The following GGNBP2 variants were observed in gnomAD, a reference collection of about 807,000 sequenced individuals.
GGNBP2 encodes gametogenetin-binding protein 2.
A neutral mutation model predicts 85.9 loss-of-function variants in GGNBP2; 10 were observed. The observed-to-expected ratio is 0.12, with a 90% CI of 0.07 to 0.20. The LOEUF is 0.20. Among genes scored for constraint, GGNBP2 ranks in the 10% least tolerant of loss-of-function variants. The pLI, the probability that GGNBP2 is intolerant of heterozygous loss-of-function variation, is 1.00. For missense variants in GGNBP2, 595 were observed against 857.8 expected (o/e 0.69, Z 3.83); for synonymous variants, 287 against 285.7 (o/e 1.00, Z -0.05).
At chr17:36,549,834 A>C (rs1349989886) in intron 2 of GGNBP2, among the ~76,000 whole-genome samples, 1 of 152,232 alleles carries the variant, frequency 6.6e-6, no homozygotes, top group African/African-American at 2.4e-5. Flanking sequence ...AAATCTTTGC[A>C]TTAAAATGTT....
chr17:36,550,745 A>C (rs1019879387), intron 2 of GGNBP2, among the ~76,000 whole-genome samples: 1 of 152,230 alleles, frequency 6.6e-6, no homozygotes, highest in Non-Finnish European at 1.5e-5. Flanking sequence ...AGCTATGGGT[A>C]GGGAACCTCT....
At chr17:36,574,728 C>T (rs369728819) in intron 6 of GGNBP2, 72 of 630,750 alleles carry the variant, frequency 1.1e-4, no homozygotes, top group Middle Eastern at 4.2e-4. Flanking sequence ...GGCACTGAGA[C>T]GATGCCAGTG....
At chr17:36,588,942 C>G (rs763616129) in intron 13 of GGNBP2, among the ~76,000 whole-genome samples, 7 of 150,594 alleles carry the variant, frequency 4.6e-5, no homozygotes, top group Admixed American at 6.6e-5. Flanking sequence ...TTTTCAAGGC[C>G]AAGGTATGGT....
Position 36,585,975 on chromosome 17 carries a change from C to G in GGNBP2, c.1492+10C>G. 6.2e-7 allele frequency: 1 copy of G among 1,613,990 alleles called. No homozygotes were observed. Among genetic ancestry groups the G allele is most frequent in the Non-Finnish European group, 8.5e-7 (1 of 1,179,968 alleles). On this transcript the variant is annotated intron_variant, in intron 11 of 13. Coordinates refer to ENST00000613102, the MANE Select transcript of GGNBP2 (RefSeq NM_024835.5). ...AATCATGATGAACACGGTAGGCTCA[C>G]ATTAAGTTTCCCAGTTATTTCTACT...
intron 13 of GGNBP2, among the ~76,000 whole-genome samples, chr17:36,588,447 G>C (rs991814278): frequency 6.6e-6 from 1 of 152,032 alleles, no homozygotes; most frequent in African/African-American, 2.4e-5. Flanking sequence ...AGTAGAGATG[G>C]GTTTCTCCAT....
chr17:36,566,520 A>T (rs551066383), intron 5 of GGNBP2, among the ~76,000 whole-genome samples: 48 of 152,026 alleles, frequency 3.2e-4, no homozygotes, highest in African/African-American at 1.1e-3. Context: ...CAAAAAATAA[A>T]AAAATAAAAA....
rs118149195 is a variant in GGNBP2 at position 36,569,346 on chromosome 17, A to G, written c.641+1570A>G. On this transcript the variant is annotated intron_variant, in intron 6 of 13. Coordinates refer to ENST00000613102, the MANE Select transcript of GGNBP2 (RefSeq NM_024835.5). ...TGAATTGCTTGAAACCAGGAGGTAG[A>G]GGTTGCAGTGAGCCAGGATCGTGCC... 5.8e-4 allele frequency among the ~76,000 whole-genome samples: 89 copies of G among 152,278 alleles called. 2 individuals are homozygous for G. In the East Asian group the frequency reaches 0.013, roughly 22 times the overall value.
chr17:36,560,052 G>A (rs940589643), intron 4 of GGNBP2, among the ~76,000 whole-genome samples: 1 of 152,008 alleles, frequency 6.6e-6, no homozygotes, highest in African/African-American at 2.4e-5. Flanking sequence ...TGGCCAGGCT[G>A]GTCTCTTAAC....
chr17:36,587,113 C>T lies in GGNBP2; in HGVS notation c.1758C>T (p.Cys586=), dbSNP rs759043210. 2.2e-5 allele frequency: 36 copies of T among 1,614,080 alleles called. No individual in the cohort carries two copies. The highest frequency in any genetic ancestry group is 3.3e-5 in the Admixed American group (2 of 60,002). Residue 586 remains cysteine, a synonymous_variant, in exon 13 of 14, where the codon TGC becomes TGT. Coordinates refer to ENST00000613102, the MANE Select transcript of GGNBP2 (RefSeq NM_024835.5). ...KTKDTHPESC[C]SSEKGGQPLP... is the part of the protein sequence containing the mutation. The stretch of plus-strand genomic sequence containing the variant: ...AAGATACACATCCTGAAAGCTGTTG[C>T]AGCTCTGAAAAGGGTGGGCAGCCAT...
In GGNBP2 at chr17:36,578,037, T is replaced by G; in HGVS notation, c.696T>G (p.Gly232=). ...TCCGAGCATACAATATCCTTATTGG[T>G]GAACTTGACTGCAGCAAAGAAAAGG... is the stretch of plus-strand genomic sequence containing the variant. The part of the protein sequence containing the change: ...KVLRAYNILI[G]ELDCSKEKGY... The change falls in exon 7 of 14, where the codon GGT becomes GGG. Residue 232 remains glycine, a synonymous_variant. Coordinates refer to ENST00000613102, the MANE Select transcript of GGNBP2 (RefSeq NM_024835.5). 1.2e-6 allele frequency: 2 copies of G among 1,614,212 alleles called. No individual in the cohort carries two copies. The highest frequency in any genetic ancestry group is 1.7e-6 in the Non-Finnish European group (2 of 1,180,036).
rs2074699723 is a variant in GGNBP2, at chr17:36,586,170, AAAGC to A, written c.1617_1620del (p.Ser539ArgfsTer3). On this transcript the variant is annotated frameshift_variant, in exon 12 of 14. Coordinates refer to ENST00000613102, the MANE Select transcript of GGNBP2 (RefSeq NM_024835.5). LOFTEE classifies it high-confidence loss of function. ...GGAAAAAATAAAAAGAAGAAGAAGA[AAAGC>A]AAGATACTGAAATGTGATGAACATG... The A allele has an allele frequency of 6.2e-7, 1 of 1,613,046 alleles. No individual in the cohort carries two copies. The highest frequency in any genetic ancestry group is 8.5e-7 in the Non-Finnish European group (1 of 1,179,832).
At position 36,554,843 on chromosome 17, in the gene GGNBP2, T is replaced by C; in HGVS notation, c.117T>C (p.Asn39=). ...TLTMVMEFPD[N]VLNLDGHQNN... ...AGATGGTGATGGAATTTCCTGATAA[T>C]GTGTTAAATCTCGATGGACATCAGA... Residue 39 remains asparagine (N), a synonymous_variant, in exon 3 of 14, where the codon AAT becomes AAC. Transcript: ENST00000613102. The C allele has an allele frequency of 6.2e-7, 1 of 1,608,158 alleles. No homozygotes were observed. Among genetic ancestry groups the C allele is most frequent in the Non-Finnish European group, 8.5e-7 (1 of 1,174,504 alleles).
In GGNBP2 at chr17:36,586,987, G is replaced by A. The variant is rs1452661766; in HGVS notation, c.1642-10G>A. On this transcript the variant is annotated splice_polypyrimidine_tract_variant and intron_variant, in intron 12 of 13. Transcript: ENST00000613102. Reference sequence around the variant, plus strand: ...CTTTTTACCTGTGAAATCCTTTGCTGTGGTATCAGATCCAGAAGCTTGGAA... The same window carrying A: ...CTTTTTACCTGTGAAATCCTTTGCTATGGTATCAGATCCAGAAGCTTGGAA... 5.6e-6 allele frequency: 9 copies of A among 1,601,956 alleles called. No homozygotes were observed. Among genetic ancestry groups the A allele is most frequent in the Non-Finnish European group, 6.8e-6 (8 of 1,173,088 alleles).
chr17:36,554,619 C>A (rs541845506), intron 2 of GGNBP2, among the ~76,000 whole-genome samples: 31 of 152,004 alleles, frequency 2.0e-4, no homozygotes, highest in African/African-American at 7.0e-4. Context: ...CGCCGCCCCC[C>A]ACCCCACTGG....
chr17:36,555,266 A>G (rs2074350850), intron 3 of GGNBP2, among the ~76,000 whole-genome samples: 2 of 152,194 alleles, frequency 1.3e-5, no homozygotes, highest in Non-Finnish European at 2.9e-5. Flanking sequence ...GAATTTTCTG[A>G]TGTTTGTTTA....
rs529238776 is a variant in GGNBP2 at position 36,547,540 on chromosome 17, G to A, written c.93+1723G>A. On this transcript the variant is annotated intron_variant, in intron 2 of 13. Transcript: ENST00000613102. ...AGCACATTAATACATCTGTCATATAGCACTTTAAAATGGCCAACTTTTTAA... is the reference window on the plus strand; with the variant it reads ...AGCACATTAATACATCTGTCATATAACACTTTAAAATGGCCAACTTTTTAA... 2.6e-5 allele frequency: 4 copies of A among 152,266 alleles called. No homozygotes were observed. The East Asian group carries it at 7.7e-4, about 29-fold the overall frequency. 9.4% of individuals were successfully genotyped at this position (152,266 alleles called of 1,614,324 possible). A position where few individuals can be genotyped will look rare whatever the true frequency, so the allele number is the denominator to read the frequency against.
At chr17:36,553,456 A>C (rs2074330637) in intron 2 of GGNBP2, among the ~76,000 whole-genome samples, 1 of 152,178 alleles carries the variant, frequency 6.6e-6, no homozygotes, top group East Asian at 1.9e-4. Context: ...CATGTTTTAA[A>C]TTTCTCTAAT....
intron 6 of GGNBP2, among the ~76,000 whole-genome samples, chr17:36,569,233 G>A (rs910821863): frequency 1.3e-5 from 2 of 152,004 alleles, no homozygotes; most frequent in South Asian, 2.1e-4. Flanking sequence ...CCAACGTGGC[G>A]AAACCCCGTG....
chr17:36,585,695 T>TA lies in GGNBP2; in HGVS notation c.1367-135dup, dbSNP rs566273299. 1,576 of 668,942 alleles carry TA rather than the reference T, an allele frequency of 2.4e-3. 3 individuals are homozygous for TA. Among genetic ancestry groups the TA allele is most frequent in the South Asian group, 9.0e-3 (336 of 37,518 alleles). 41.4% of individuals were successfully genotyped at this position (668,942 alleles called of 1,614,324 possible). A position where few individuals can be genotyped will look rare whatever the true frequency, so the allele number is the denominator to read the frequency against. On this transcript the variant is annotated intron_variant, in intron 10 of 13. Coordinates refer to ENST00000613102, the MANE Select transcript of GGNBP2 (RefSeq NM_024835.5). The stretch of plus-strand genomic sequence containing the variant: ...TTCATTATTTAATTTACTTTCTACT[T>TA]AAAAAAAAAATCCTTCATTGGAAAT...
Sources: allele counts gnomAD v4.1 joint callset (sites outside exome capture counted in the v4.1 genomes callset), GRCh38; gene constraint gnomAD v4.1.1; transcripts MANE v1.5; gene names NCBI Gene and HGNC (gene_info 2026-07-23, HGNC 2026-07-21).